The following ATAD2B variants were observed in gnomAD, a reference collection of about 807,000 sequenced individuals.
ATAD2B encodes ATPase family AAA domain containing 2B.
In ATAD2B, 40 loss-of-function variants were observed where a neutral mutation model predicts 167.6. That is an observed-to-expected ratio of 0.24 (90% CI 0.19 to 0.31). The LOEUF (loss-of-function observed/expected upper bound fraction) is 0.31, where lower values mean the gene tolerates loss of function less well. Ranked by LOEUF, ATAD2B falls within the 10% of genes least tolerant of loss-of-function variation. The pLI, the probability that ATAD2B is intolerant of heterozygous loss-of-function variation, is 1.00. For synonymous variants in ATAD2B, 579 were observed against 596.5 expected (o/e 0.97, Z 0.43); for missense variants, 1,242 against 1,757.2 (o/e 0.71, Z 5.24).
the ATAD2B span, among the ~76,000 whole-genome samples, chr2:23,717,204 G>A: frequency 3.9e-5 from 6 of 152,174 alleles, no homozygotes; most frequent in African/African-American, 1.4e-4. Flanking sequence ...CCTGTGTGAG[G>A]AAGAAAGTAG....
intron 14 of ATAD2B, among the ~76,000 whole-genome samples, chr2:23,831,279 A>AT (rs1340730491): frequency 6.6e-6 from 1 of 152,242 alleles, no homozygotes; most frequent in Non-Finnish European, 1.5e-5. Flanking sequence ...TGATAAAGGA[A>AT]AATAAAAGAA....
At chr2:23,714,997 T>C in the ATAD2B span, among the ~76,000 whole-genome samples, 1 of 152,184 alleles carries the variant, frequency 6.6e-6, no homozygotes, top group African/African-American at 2.4e-5. Context: ...TCAGTCTCTC[T>C]CTACTCATAT....
chr2:23,809,103 A>G (rs1685122226), intron 18 of ATAD2B: 1 of 152,054 alleles, frequency 6.6e-6, no homozygotes, highest in South Asian at 2.1e-4. Context: ...ATATTTTTCT[A>G]CTAAATCATT....
downstream of ATAD2B, chr2:23,748,652 TAAAG>T (rs1212481465): frequency 3.9e-5 from 6 of 152,164 alleles, no homozygotes; most frequent in South Asian, 4.1e-4. Context: ...ATAATTAAGC[TAAAG>T]AAAGACATGT....
At chr2:23,853,240 T>G (rs543776226) in intron 13 of ATAD2B, among the ~76,000 whole-genome samples, 10 of 152,048 alleles carry the variant, frequency 6.6e-5, no homozygotes, top group Admixed American at 5.2e-4. Flanking sequence ...GCCAAAGAAA[T>G]AAGAAAAAGA....
At chr2:23,853,342 G>C (rs144844725) in intron 13 of ATAD2B, among the ~76,000 whole-genome samples, 1 of 152,164 alleles carries the variant, frequency 6.6e-6, no homozygotes, top group Admixed American at 6.5e-5. Flanking sequence ...CCACAAAATA[G>C]CTAATAGAAC....
chr2:23,758,252 C>G (rs1418945056), intron 24 of ATAD2B, among the ~76,000 whole-genome samples, 151 bp from the exon 25 acceptor site: 1 of 152,144 alleles, frequency 6.6e-6, no homozygotes, highest in Non-Finnish European at 1.5e-5. Context: ...GCTGACTAAT[C>G]CTTGCAACCT....
At chr2:23,838,788 C>T (rs960229631) in intron 13 of ATAD2B, among the ~76,000 whole-genome samples, 1 of 152,086 alleles carries the variant, frequency 6.6e-6, no homozygotes. Flanking sequence ...TATGTGTGTG[C>T]ATTTATTTAT....
At chr2:23,873,125 C>A (rs901142390) in intron 8 of ATAD2B, 10 of 383,974 alleles carry the variant, frequency 2.6e-5, no homozygotes, top group Non-Finnish European at 4.5e-5. Context: ...TTTATCCTCT[C>A]CTCTACTTCT....
chr2:23,782,800 C>T, intron 22 of ATAD2B, 69 bp downstream of exon 22: 2 of 1,332,532 alleles, frequency 1.5e-6, no homozygotes, highest in Middle Eastern at 1.8e-4. Context: ...ACAGGCATGA[C>T]TTAGTATTTA....
At chr2:23,682,660 TCGTGCTCCTGCACCCTCCCA>T in the ATAD2B span, among the ~76,000 whole-genome samples, 1 of 151,640 alleles carries the variant, frequency 6.6e-6, no homozygotes, top group Non-Finnish European at 1.5e-5. This position sits in a 1 kb window ranked among gnomAD's most constrained non-coding sequence, Gnocchi z 4.1. Flanking sequence ...ACCTGCCCCC[TCGTGCTCCTGCACCCTCCCA>T]CACCCTCCCG....
At chr2:23,701,166 C>T in the ATAD2B span, among the ~76,000 whole-genome samples, 3 of 152,246 alleles carry the variant, frequency 2.0e-5, no homozygotes, top group Admixed American at 6.5e-5. Flanking sequence ...AGTCCCAAGC[C>T]AGACCCTGAA....
the ATAD2B span, among the ~76,000 whole-genome samples, chr2:23,688,356 C>A: frequency 6.6e-6 from 1 of 152,196 alleles, no homozygotes; most frequent in Non-Finnish European, 1.5e-5. Flanking sequence ...CCCACCACTG[C>A]CCATGGATTC....
At chr2:23,709,049 T>G in the ATAD2B span, among the ~76,000 whole-genome samples, 5 of 149,906 alleles carry the variant, frequency 3.3e-5, no homozygotes, top group Admixed American at 3.3e-4. Flanking sequence ...TCTTTTTTTC[T>G]TTTTTATTGA....
chr2:23,899,099 G>A (rs1345051263), intron 1 of ATAD2B, among the ~76,000 whole-genome samples: 1 of 151,978 alleles, frequency 6.6e-6, no homozygotes, highest in African/African-American at 2.4e-5. Flanking sequence ...AGTGAGCTGA[G>A]ATCATGCCAT....
At chr2:23,873,703 G>C (rs1696355296) in intron 8 of ATAD2B, among the ~76,000 whole-genome samples, 1 of 152,178 alleles carries the variant, frequency 6.6e-6, no homozygotes, top group African/African-American at 2.4e-5. Flanking sequence ...AGAACCTGTA[G>C]CTCAAGAGGA....
intron 21 of ATAD2B, among the ~76,000 whole-genome samples, chr2:23,785,015 C>G (rs1680608817): frequency 6.6e-6 from 1 of 151,882 alleles, no homozygotes; most frequent in African/African-American, 2.4e-5. Context: ...ATGGAAAAAA[C>G]AGTGTATTGT....
At chr2:23,839,446 G>T (rs143370570) in intron 13 of ATAD2B, among the ~76,000 whole-genome samples, 1 of 152,014 alleles carries the variant, frequency 6.6e-6, no homozygotes, top group Non-Finnish European at 1.5e-5. Context: ...ACTTTATTAT[G>T]ACTAAATATT....
intron 20 of ATAD2B, 56 bp from the exon 21 acceptor site, chr2:23,786,279 T>A: frequency 7.3e-7 from 1 of 1,372,734 alleles, no homozygotes; most frequent in East Asian, 2.5e-5. Flanking sequence ...AGGACCCTTT[T>A]TTGGCATTCT....
Sources: gnomAD v4.1 joint callset for allele counts (sites outside exome capture counted in the v4.1 genomes callset) on GRCh38, gnomAD v4.1.1 for gene constraint, Gnocchi (gnomAD v3.1) non-coding constraint, MANE v1.5 for transcripts, NCBI Gene and HGNC (gene_info 2026-07-23, HGNC 2026-07-21) for gene names.